The following CCDC154 variants were observed in gnomAD, a reference collection of about 807,000 sequenced individuals.
The protein encoded by CCDC154 is coiled-coil domain containing 154.
In CCDC154, 91 loss-of-function variants were observed where a neutral mutation model predicts 87.5. The observed-to-expected ratio is 1.04, with a 90% CI of 0.88 to 1.24. The LOEUF (loss-of-function observed/expected upper bound fraction) is 1.24, where lower values mean the gene tolerates loss of function less well. CCDC154 is among the 50% of genes most tolerant of loss of function. CCDC154 has a pLI of 0.00. For missense variants in CCDC154, 903 were observed against 879.2 expected, an observed-to-expected ratio of 1.03 and a Z score of -0.34; for synonymous variants, 418 against 400.4, an observed-to-expected ratio of 1.04 and a Z score of -0.52.
rs150696051 is a variant in CCDC154, at chr16:1,442,374, G to A, written c.675+32C>T. The A allele has an allele frequency of 1.1e-5, 17 of 1,527,200 alleles. No individual in the cohort carries two copies. The African/African-American group carries it at 1.7e-4, about 15-fold the overall frequency. The allele number at this position is 1,527,200 out of a possible 1,614,324, so 94.6% of individuals were successfully genotyped here. A position where few individuals can be genotyped will look rare whatever the true frequency, so the allele number is the denominator to read the frequency against. ...TAGGGTCTCCTCCTCGGCCCTCTGG[G>A]CGGCCCCCCTGAAGCCTGGGCCTGG... On this transcript the variant is annotated intron_variant, in intron 6 of 16. Transcript: ENST00000389176.
At position 1,438,871 on chromosome 16, in the gene CCDC154, C is replaced by T. The variant is rs2038526318; in HGVS notation, c.850G>A (p.Glu284Lys). 1 of 1,549,320 alleles carries T rather than the reference C, an allele frequency of 6.5e-7. No individual in the cohort carries two copies. The change falls in exon 8 of 17, where the codon GAG (glutamate) becomes AAG (lysine). Residue 284 changes from glutamate (E) to lysine (K), a missense_variant. Glu to Lys is a moderately conservative substitution (Grantham distance 56, BLOSUM62 1). Coordinates refer to ENST00000389176, the MANE Select transcript of CCDC154 (RefSeq NM_001143980.3). ...TCCTCCATCAGCCCCCGAAGCTTCT[C>T]CCACCGGCTCTCCAGCTCGCCCCGC... is the stretch of plus-strand genomic sequence containing the variant. ...SLRGELESRW[E>K]KLRGLMEERL... is the part of the protein sequence containing the mutation.
rs151204360 is a variant in CCDC154, at chr16:1,440,689, G to A, written c.676-1563C>T. On this transcript the variant is annotated intron_variant, in intron 6 of 16. Coordinates refer to ENST00000389176, the MANE Select transcript of CCDC154 (RefSeq NM_001143980.3). Reference sequence around the variant, plus strand: ...AGGCGGGCTGGGCGCAGTGGCTCACGCCTGTAATCCCAGCACTTTGGGAGG... The same window carrying A: ...AGGCGGGCTGGGCGCAGTGGCTCACACCTGTAATCCCAGCACTTTGGGAGG... Among the ~76,000 whole-genome samples, 320 of 151,896 alleles carry A rather than the reference G, an allele frequency of 2.1e-3. 14 individuals carry two copies. In the East Asian group the frequency reaches 0.054, roughly 26 times the overall value.
In CCDC154 at chr16:1,443,114, C is replaced by T. The variant is rs1596205970; in HGVS notation, c.456-139G>A. On this transcript the variant is annotated intron_variant, in intron 4 of 16. Coordinates refer to ENST00000389176, the MANE Select transcript of CCDC154 (RefSeq NM_001143980.3). ...TGAAGGCCGCCCAGGCACGTACAAA[C>T]CCGGCCTTTTCTAGCTGGACCTGGA... 8 of 1,369,032 alleles carry T rather than the reference C, an allele frequency of 5.8e-6. 1 individual carries two copies. The East Asian group carries it at 2.0e-4, about 34-fold the overall frequency. 84.8% of individuals were successfully genotyped at this position (1,369,032 alleles called of 1,614,324 possible).
intron 4 of CCDC154, 60 bp from the exon 5 acceptor site, chr16:1,443,035 G>A: frequency 2.0e-6 from 3 of 1,535,186 alleles, no homozygotes; most frequent in Non-Finnish European, 2.6e-6. Flanking sequence ...TCGGCGGGCT[G>A]GGGGTCTGGC....
chr16:1,443,151 C>T, intron 4 of CCDC154, 110 bp downstream of exon 4: 5 of 1,397,304 alleles, frequency 3.6e-6, no homozygotes, highest in Admixed American at 4.5e-5. Flanking sequence ...GTGTATCCCC[C>T]ACTCCAGCGA....
At chr16:1,436,349 G>C (rs371505046) in intron 13 of CCDC154, 96 bp downstream of exon 13, 1 of 1,139,040 alleles carries the variant, frequency 8.8e-7, no homozygotes, top group South Asian at 1.3e-5. Flanking sequence ...GGTCTGTCAC[G>C]ATACCAGGGG....
intron 11 of CCDC154, 164 bp downstream of exon 11, chr16:1,437,653 T>C (rs2038513670): frequency 2.4e-6 from 2 of 848,244 alleles, no homozygotes; most frequent in Non-Finnish European, 3.4e-6. Flanking sequence ...CACAGGAGTC[T>C]CTGGGGCTCG....
At position 1,443,945 on chromosome 16, in the gene CCDC154, G is replaced by T. The variant is rs1465122717; in HGVS notation, c.75C>A (p.Asp25Glu). The T allele has an allele frequency of 1.5e-6, 2 of 1,303,736 alleles. No homozygotes were observed. Among genetic ancestry groups the T allele is most frequent in the Non-Finnish European group, 2.0e-6 (2 of 988,940 alleles). The allele number at this position is 1,303,736 out of a possible 1,614,324, so 80.8% of individuals were successfully genotyped here. The change falls in exon 2 of 17, where the codon GAC (aspartate) becomes GAA (glutamate). Residue 25 changes from aspartate to glutamate, a missense_variant. Asp to Glu is a conservative substitution (Grantham distance 45, BLOSUM62 2). Transcript: ENST00000389176. ...PSQLRAVTLE[D>E]LGLLLAGGLA... ...GGCCTCCTGCCAGGAGGAGCCCCAG[G>T]TCTTCCAGGGTGACGGCTCTCAGCT...
chr16:1,435,947 G>A (rs1218017753), intron 14 of CCDC154, 22 bp downstream of exon 14: 1 of 1,537,970 alleles, frequency 6.5e-7, no homozygotes, highest in Non-Finnish European at 8.8e-7. Context: ...TCCCAGCTGG[G>A]TGCGGGCAGC....
chr16:1,437,023 C>G (rs2038508267), intron 11 of CCDC154: 2 of 650,568 alleles, frequency 3.1e-6, no homozygotes, highest in Admixed American at 6.0e-5. Flanking sequence ...CAGCCGAGGG[C>G]CCGTGGGGGC....
chr16:1,438,808 G>A lies in CCDC154; in HGVS notation c.906+7C>T. On this transcript the variant is annotated splice_region_variant and intron_variant, in intron 8 of 16. Transcript: ENST00000389176. ...GCCCCACCTGCCCGCCGCCCGCCCG[G>A]CCCCACCTCATGCTGCCCCTGCAGG... The A allele has an allele frequency of 6.5e-7, 1 of 1,540,914 alleles. No individual in the cohort carries two copies.
At chr16:1,435,435 G>A in intron 14 of CCDC154, 1 of 554,070 alleles carries the variant, frequency 1.8e-6, no homozygotes, top group Non-Finnish European at 3.2e-6. Context: ...CCCGGTGTGG[G>A]GGCTCCAGGC....
At chr16:1,438,787 C>T (rs1281781127) in intron 8 of CCDC154, 28 bp downstream of exon 8, 10 of 1,541,646 alleles carry the variant, frequency 6.5e-6, no homozygotes, top group Non-Finnish European at 6.1e-6. Context: ...GCCCCGGCCC[C>T]ACCTGCCCGC....
chr16:1,437,855 C>A lies in CCDC154; in HGVS notation c.1252G>T (p.Asp418Tyr). 3.2e-6 allele frequency: 5 copies of A among 1,541,526 alleles called. No homozygotes were observed. Among genetic ancestry groups the A allele is most frequent in the Non-Finnish European group, 4.4e-6 (5 of 1,146,064 alleles). Reference protein sequence around the residue: ...GHLPALSSRLDLQEQMLGLRL... With the variant: ...GHLPALSSRLYLQEQMLGLRL... ...AGGCCCAGCATCTGCTCCTGCAGAT[C>A]GAGCCGGCTGCTCAGAGCCGGGAGA... Residue 418 changes from aspartate (D) to tyrosine (Y), a missense_variant, in exon 11 of 17, where the codon GAT (aspartate) becomes TAT (tyrosine). Transcript: ENST00000389176.
chr16:1,434,564 C>A, intron 16 of CCDC154, 30 bp from the exon 17 acceptor site: 1 of 1,525,316 alleles, frequency 6.6e-7, no homozygotes, highest in South Asian at 1.2e-5. Context: ...ATGGCCCCTG[C>A]ACCCCCGCCC....
At position 1,434,438 on chromosome 16, in the gene CCDC154, C is replaced by A; in HGVS notation, c.1974G>T (p.Gln658His). 6.5e-7 allele frequency: 1 copy of A among 1,550,334 alleles called. No homozygotes were observed. Among genetic ancestry groups the A allele is most frequent in the Non-Finnish European group, 8.7e-7 (1 of 1,146,870 alleles). ...EKPHSQEQVQ[Q>H]LTPSLFIQK ...TCTGGATAAACAGTGAGGGTGTGAG[C>A]TGCTGCACCTGCTCCTGGCTGTGGG... The change falls in exon 17 of 17, where the codon CAG (glutamine) becomes CAT (histidine). Residue 658 changes from glutamine (Q) to histidine (H), a missense_variant. Gln to His is a conservative substitution (Grantham distance 24). Transcript: ENST00000389176.
chr16:1,442,690 C>T (rs2038563082), intron 5 of CCDC154, among the ~76,000 whole-genome samples, 161 bp from the exon 6 acceptor site: 1 of 152,228 alleles, frequency 6.6e-6, no homozygotes. Flanking sequence ...CAGGGAAGGG[C>T]TGCTGCGAGT....
At chr16:1,440,846 G>T (rs1179208413) in intron 6 of CCDC154, among the ~76,000 whole-genome samples, 1 of 151,990 alleles carries the variant, frequency 6.6e-6, no homozygotes, top group Non-Finnish European at 1.5e-5. Flanking sequence ...AGCTACTCGG[G>T]AAGCTGAGGC....
At chr16:1,439,809 A>G (rs561083043) in intron 6 of CCDC154, among the ~76,000 whole-genome samples, 2 of 151,322 alleles carry the variant, frequency 1.3e-5, no homozygotes, top group Non-Finnish European at 2.9e-5. Flanking sequence ...CAGCCCCCAC[A>G]GTAGACATTG....
Sources: allele counts gnomAD v4.1 joint callset (sites outside exome capture counted in the v4.1 genomes callset), GRCh38; gene constraint gnomAD v4.1.1; transcripts MANE v1.5; gene names NCBI Gene and HGNC (gene_info 2026-07-23, HGNC 2026-07-21).